Variants in GARIN1A observed in about 807,000 individuals in gnomAD.
GARIN1A encodes Golgi-associated RAB2 interactor protein 1A.
chr7:128,693,193 T>A, the GARIN1A span, among the ~76,000 whole-genome samples: 2 of 152,238 alleles, frequency 1.3e-5, no homozygotes, highest in Non-Finnish European at 2.9e-5. Context: ...AAAACATTGT[T>A]TTGTGGTGTT....
At chr7:128,672,099 T>A in the GARIN1A span, among the ~76,000 whole-genome samples, 1 of 152,106 alleles carries the variant, frequency 6.6e-6, no homozygotes, top group Non-Finnish European at 1.5e-5. Flanking sequence ...GTTTACAAAG[T>A]GGAATAGGCT....
chr7:128,680,106 A>G, the GARIN1A span: 2 of 1,576,486 alleles, frequency 1.3e-6, no homozygotes, highest in Middle Eastern at 1.7e-4. Context: ...GACCAGTGGC[A>G]GTTTCTCACA....
the GARIN1A span, among the ~76,000 whole-genome samples, chr7:128,703,208 A>G: frequency 2.0e-5 from 3 of 152,376 alleles, no homozygotes; most frequent in East Asian, 1.9e-4. Flanking sequence ...ATTGGCATTT[A>G]TTGAACATGC....
At chr7:128,673,766 T>C in the GARIN1A span, among the ~76,000 whole-genome samples, 2 of 152,128 alleles carry the variant, frequency 1.3e-5, no homozygotes, top group Non-Finnish European at 2.9e-5. Flanking sequence ...AGTTGGGTGA[T>C]CAGCTGGCAA....
the GARIN1A span, among the ~76,000 whole-genome samples, chr7:128,688,655 G>A: frequency 6.6e-6 from 1 of 151,702 alleles, no homozygotes; most frequent in Non-Finnish European, 1.5e-5. Flanking sequence ...CTTTTGACTG[G>A]GCAAGAGCTG....
the GARIN1A span, among the ~76,000 whole-genome samples, chr7:128,689,027 T>C: frequency 6.6e-6 from 1 of 151,808 alleles, no homozygotes; most frequent in South Asian, 2.1e-4. Flanking sequence ...GGTCTCCAGC[T>C]CCTAACCTCG....
the GARIN1A span, chr7:128,672,511 G>T: frequency 6.2e-7 from 1 of 1,610,224 alleles, no homozygotes; most frequent in Non-Finnish European, 8.5e-7. Context: ...AATTCAATTT[G>T]TTCTCCAACT....
chr7:128,696,293 A>G, the GARIN1A span, among the ~76,000 whole-genome samples: 2 of 152,132 alleles, frequency 1.3e-5, no homozygotes, highest in East Asian at 3.9e-4. Context: ...TGCTGGAATT[A>G]CAAGCGTGAG....
the GARIN1A span, chr7:128,683,090 G>C: frequency 6.2e-7 from 1 of 1,612,384 alleles, no homozygotes; most frequent in Non-Finnish European, 8.5e-7. Context: ...GGGAACAAGA[G>C]GACTGGAATG....
At chr7:128,682,593 G>T in the GARIN1A span, among the ~76,000 whole-genome samples, 3 of 152,170 alleles carry the variant, frequency 2.0e-5, no homozygotes, top group East Asian at 5.8e-4. Context: ...GTTTTGTGTT[G>T]TTTTTTGAGA....
At chr7:128,684,906 CT>C in the GARIN1A span, 38,436 of 141,832 alleles carry the variant, frequency 0.27, 5,163 homozygotes, top group East Asian at 0.53. Context: ...ACCATGACTC[CT>C]TTTTTTTTTT....
At chr7:128,695,979 C>T in the GARIN1A span, among the ~76,000 whole-genome samples, 1 of 147,420 alleles carries the variant, frequency 6.8e-6, no homozygotes, top group Admixed American at 6.8e-5. The surrounding 1 kb of genome is among the most constrained non-coding windows in gnomAD (Gnocchi z 4.5). Flanking sequence ...AATTTCCCTC[C>T]CTTCCTCCCT....
At chr7:128,672,199 C>A in the GARIN1A span, 10 of 493,626 alleles carry the variant, frequency 2.0e-5, no homozygotes, top group East Asian at 3.3e-4. Context: ...TTTCCCTTTT[C>A]TGTTGTCACC....
chr7:128,703,800 G>A, the GARIN1A span, among the ~76,000 whole-genome samples: 23,241 of 151,620 alleles, frequency 0.15, 2,145 homozygotes, highest in African/African-American at 0.25. Flanking sequence ...GAAAAAGAAA[G>A]TGCAGATGCT....
the GARIN1A span, among the ~76,000 whole-genome samples, chr7:128,707,999 C>T: frequency 2.0e-5 from 3 of 147,696 alleles, no homozygotes; most frequent in African/African-American, 7.6e-5. Flanking sequence ...TCCTTCCTTT[C>T]TCTCCTTCTT....
the GARIN1A span, among the ~76,000 whole-genome samples, chr7:128,688,300 G>A: frequency 2.6e-4 from 39 of 152,202 alleles, 1 homozygote; most frequent in South Asian, 4.1e-3. Context: ...GTGAGCCACC[G>A]CGCCTGGCCC....
the GARIN1A span, among the ~76,000 whole-genome samples, chr7:128,689,760 G>A: frequency 9.9e-6 from 1 of 101,336 alleles, no homozygotes; most frequent in Non-Finnish European, 2.2e-5. Context: ...GCCCCCGCCG[G>A]CCAGCCACCC....
chr7:128,683,452 T>TTTTTTTTATTTATTTA, the GARIN1A span: 1 of 154,232 alleles, frequency 6.5e-6, no homozygotes, highest in African/African-American at 2.5e-5. Flanking sequence ...GACTGGGTAA[T>TTTTTTTTATTTATTTA]TTTATTTATT....
At chr7:128,686,408 C>T in the GARIN1A span, 1 of 152,096 alleles carries the variant, frequency 6.6e-6, no homozygotes, top group African/African-American at 2.4e-5. Flanking sequence ...TAAACCGGAG[C>T]CACAGAGAGG....
Sources: gnomAD v4.1 joint callset for allele counts (sites outside exome capture counted in the v4.1 genomes callset) on GRCh38, gnomAD v4.1.1 for gene constraint, Gnocchi (gnomAD v3.1) non-coding constraint, MANE v1.5 for transcripts, NCBI Gene and HGNC (gene_info 2026-07-23, HGNC 2026-07-21) for gene names.